PLAC8L1: variants seen among roughly 807,000 people sequenced by gnomAD.
PLAC8L1 encodes the protein PLAC8 like 1, also known as PLAC8-like protein 1.
In PLAC8L1, 13 loss-of-function variants were observed where a neutral mutation model predicts 16.3. The ratio of observed to expected loss-of-function variants is 0.80; its 90% confidence interval spans 0.52 to 1.27. The LOEUF is 1.27. Ranked by LOEUF, PLAC8L1 falls within the 50% of genes most tolerant of loss-of-function variation. PLAC8L1 has a pLI of 0.00. For missense variants in PLAC8L1, 184 were observed against 220.2 expected (o/e 0.84, Z 1.04); for synonymous variants, 78 against 79.3 (o/e 0.98, Z 0.09).
Position 146,103,892 on chromosome 5 carries a change from A to G in PLAC8L1, c.119+301T>C, listed in dbSNP as rs1445847676. The G allele has an allele frequency of 5.1e-6, 5 of 985,264 alleles. No individual in the cohort carries two copies. The African/African-American group carries it at 7.0e-5, about 14-fold the overall frequency. The allele number at this position is 985,264 out of a possible 1,614,324, so 61.0% of individuals were successfully genotyped here. On this transcript the variant is annotated intron_variant, in intron 1 of 3. Transcript: ENST00000311450. The stretch of plus-strand genomic sequence containing the variant: ...CTGAAGCCAAAACCCTTGAGTTTTC[A>G]TTTCAAAAGGGTGGAAATGATTGGC...
intron 2 of PLAC8L1, among the ~76,000 whole-genome samples, chr5:146,094,135 T>C (rs1763672930): frequency 6.6e-6 from 1 of 152,186 alleles, no homozygotes; most frequent in Non-Finnish European, 1.5e-5. Context: ...CAGGCTGGAG[T>C]GCAGTTGTGC....
At chr5:146,093,425 T>G (rs1207547773) in intron 2 of PLAC8L1, among the ~76,000 whole-genome samples, 1 of 152,194 alleles carries the variant, frequency 6.6e-6, no homozygotes, top group Non-Finnish European at 1.5e-5. Flanking sequence ...CCCTCCTCCC[T>G]GGAAGTGCTC....
At chr5:146,086,833 C>G (rs1307377661) in intron 2 of PLAC8L1, among the ~76,000 whole-genome samples, 1 of 152,148 alleles carries the variant, frequency 6.6e-6, no homozygotes, top group Non-Finnish European at 1.5e-5. Flanking sequence ...GACTGTGAAA[C>G]AGCAAAAATT....
At chr5:146,102,771 C>T (rs1763841601) in intron 1 of PLAC8L1, among the ~76,000 whole-genome samples, 1 of 152,186 alleles carries the variant, frequency 6.6e-6, no homozygotes, top group Non-Finnish European at 1.5e-5. Flanking sequence ...CTAGTTGTGA[C>T]ATCTTAGAAA....
At chr5:146,103,258 C>T (rs1401141578) in intron 1 of PLAC8L1, among the ~76,000 whole-genome samples, 1 of 152,174 alleles carries the variant, frequency 6.6e-6, no homozygotes, top group East Asian at 1.9e-4. Context: ...CTCCAGGGTT[C>T]AACCAATTCT....
In PLAC8L1 at chr5:146,084,574, T is replaced by G; in HGVS notation, c.394-2A>C. 5 of 1,613,432 alleles carry G rather than the reference T, an allele frequency of 3.1e-6. No individual in the cohort carries two copies. The highest frequency in any genetic ancestry group is 4.2e-6 in the Non-Finnish European group (5 of 1,179,996). ...CAGCCAGTCTTCACACAGTGTGCCC[T>G]AGGGCAAGACCAGAATCTGTTCTGT... On this transcript the variant is annotated splice_acceptor_variant, in intron 3 of 3. Transcript: ENST00000311450. LOFTEE classifies it high-confidence loss of function.
intron 1 of PLAC8L1, chr5:146,103,949 G>T (rs1333977566): frequency 2.0e-6 from 2 of 985,214 alleles, no homozygotes; most frequent in Non-Finnish European, 1.2e-6. Flanking sequence ...ACTTGGTCAG[G>T]GTTCAACATT....
In PLAC8L1 at chr5:146,104,519, A is replaced by T. The variant is rs1763877180; in HGVS notation, c.-208T>A. The T allele has an allele frequency of 2.1e-6, 1 of 467,610 alleles. No individual in the cohort carries two copies. Among genetic ancestry groups the T allele is most frequent in the Non-Finnish European group, 3.9e-6 (1 of 257,350 alleles). 29.0% of individuals were successfully genotyped at this position (467,610 alleles called of 1,614,324 possible). The stretch of plus-strand genomic sequence containing the variant: ...ACCTAACTGTGGACACATTCATCTT[A>T]CTAATCTGTAGGGAGATATTGCTGG... On this transcript the variant is annotated 5_prime_UTR_variant, in exon 1 of 4. Transcript: ENST00000311450.
chr5:146,090,525 A>G (rs1348914313), intron 2 of PLAC8L1, among the ~76,000 whole-genome samples: 1 of 147,790 alleles, frequency 6.8e-6, no homozygotes, highest in Admixed American at 7.0e-5. Flanking sequence ...AAGGAATGAG[A>G]CCGTCTCAAA....
chr5:146,097,638 G>A (rs555485452), intron 2 of PLAC8L1, among the ~76,000 whole-genome samples: 6 of 152,166 alleles, frequency 3.9e-5, no homozygotes, highest in African/African-American at 9.6e-5. Flanking sequence ...ATGACTTTTC[G>A]TGGCTGTATA....
intron 1 of PLAC8L1, among the ~76,000 whole-genome samples, chr5:146,103,198 C>T (rs1165197167): frequency 2.0e-5 from 3 of 152,076 alleles, no homozygotes; most frequent in Non-Finnish European, 2.9e-5. Flanking sequence ...TTGCTTTTGT[C>T]GCCCAGGCTG....
intron 2 of PLAC8L1, among the ~76,000 whole-genome samples, chr5:146,089,606 AT>A (rs554567067): frequency 7.3e-4 from 111 of 152,158 alleles, no homozygotes; most frequent in African/African-American, 2.7e-3. Context: ...ATATTACTAT[AT>A]GTTCTCATGT....
intron 2 of PLAC8L1, among the ~76,000 whole-genome samples, chr5:146,092,205 G>A (rs1230919964): frequency 6.6e-6 from 1 of 152,182 alleles, no homozygotes; most frequent in Non-Finnish European, 1.5e-5. Context: ...TGCAAAAGAG[G>A]CAGAACTTTC....
intron 2 of PLAC8L1, among the ~76,000 whole-genome samples, chr5:146,094,617 ACT>A (rs1763680990): frequency 6.6e-6 from 1 of 152,126 alleles, no homozygotes; most frequent in Admixed American, 6.5e-5. Flanking sequence ...CTTAGCAGCC[ACT>A]TACTTCACCT....
intron 2 of PLAC8L1, among the ~76,000 whole-genome samples, chr5:146,093,592 G>C (rs543130184): frequency 6.6e-6 from 1 of 152,316 alleles, no homozygotes; most frequent in South Asian, 2.1e-4. Context: ...GAGAATACAA[G>C]TTAAAATTCA....
intron 1 of PLAC8L1, chr5:146,103,948 G>T: frequency 4.1e-6 from 4 of 985,416 alleles, no homozygotes; most frequent in Non-Finnish European, 3.6e-6. Context: ...CACTTGGTCA[G>T]GGTTCAACAT....
At chr5:146,098,072 T>G in intron 2 of PLAC8L1, 84 bp downstream of exon 2, 1 of 1,423,892 alleles carries the variant, frequency 7.0e-7, no homozygotes. Context: ...TTTCTGTCCT[T>G]GTGCCTGCTG....
chr5:146,102,363 T>C (rs1281381371), intron 1 of PLAC8L1, among the ~76,000 whole-genome samples: 1 of 152,236 alleles, frequency 6.6e-6, no homozygotes, highest in African/African-American at 2.4e-5. Context: ...AATGTTTGAA[T>C]TGACATACAT....
intron 2 of PLAC8L1, among the ~76,000 whole-genome samples, chr5:146,089,740 C>CTTTT (rs35287551): frequency 7.3e-6 from 1 of 136,196 alleles, no homozygotes; most frequent in Non-Finnish European, 1.6e-5. Context: ...ACTTCTTCTT[C>CTTTT]TTTTTTTTTT....
Sources: allele counts gnomAD v4.1 joint callset (sites outside exome capture counted in the v4.1 genomes callset), GRCh38; gene constraint gnomAD v4.1.1; transcripts MANE v1.5; gene names NCBI Gene and HGNC (gene_info 2026-07-23, HGNC 2026-07-21).